The following MAN1A2 variants were observed in gnomAD, a reference collection of about 807,000 sequenced individuals.
The protein encoded by MAN1A2 is mannosidase alpha class 1A member 2.
MAN1A2 carries 26 observed loss-of-function variants against 75.7 expected under a neutral mutation model. The observed-to-expected ratio is 0.34, with a 90% CI of 0.25 to 0.48. The LOEUF is 0.48. MAN1A2 is among the 20% of genes least tolerant of loss of function. The probability of loss-of-function intolerance (pLI) is 0.99; values close to 1 mark genes in which losing one functional copy is unlikely to be tolerated. For synonymous variants in MAN1A2, 247 were observed against 264.6 expected, an observed-to-expected ratio of 0.93 and a Z score of 0.65; for missense variants, 562 against 775.5, an observed-to-expected ratio of 0.72 and a Z score of 3.27.
At chr1:117,368,956 C>T (rs534451327) in intron 1 of MAN1A2, among the ~76,000 whole-genome samples, 118 of 152,206 alleles carry the variant, frequency 7.8e-4, no homozygotes, top group African/African-American at 2.7e-3. Context: ...GTAGTTGAAG[C>T]TTAGTAGTGA....
chr1:117,391,437 G>A (rs1250426243), intron 1 of MAN1A2, among the ~76,000 whole-genome samples: 3 of 152,086 alleles, frequency 2.0e-5, no homozygotes, highest in African/African-American at 7.2e-5. Context: ...ATTTCTATCA[G>A]TTTTTGCTTC....
chr1:117,380,717 A>G (rs1653304497), intron 1 of MAN1A2, among the ~76,000 whole-genome samples: 1 of 152,178 alleles, frequency 6.6e-6, no homozygotes, highest in Non-Finnish European at 1.5e-5. Flanking sequence ...GTTCTATTCC[A>G]TTCATCTATA....
At chr1:117,515,589 C>T (rs545109748) in intron 12 of MAN1A2, 1 of 151,950 alleles carries the variant, frequency 6.6e-6, no homozygotes, top group African/African-American at 2.4e-5. Context: ...TAAAAAAACA[C>T]TAAAGAAACT....
chr1:117,387,963 C>T (rs565376849), intron 1 of MAN1A2, among the ~76,000 whole-genome samples: 2 of 147,502 alleles, frequency 1.4e-5, no homozygotes, highest in South Asian at 2.2e-4. Context: ...AGGCCCCCCA[C>T]CCCCCGCCGT....
At chr1:117,387,664 C>T (rs1414962446) in intron 1 of MAN1A2, among the ~76,000 whole-genome samples, 1 of 152,192 alleles carries the variant, frequency 6.6e-6, no homozygotes, top group East Asian at 1.9e-4. Flanking sequence ...TGGCAGCTGT[C>T]TTACTTAGTT....
intron 8 of MAN1A2, among the ~76,000 whole-genome samples, chr1:117,487,552 T>A (rs1650750767): frequency 3.3e-5 from 5 of 152,206 alleles, no homozygotes; most frequent in Middle Eastern, 3.4e-3. Context: ...ACGCAGTTGA[T>A]GTCTAAGAAA....
chr1:117,464,837 T>A (rs1387113247), intron 7 of MAN1A2, among the ~76,000 whole-genome samples: 1 of 152,166 alleles, frequency 6.6e-6, no homozygotes, highest in Non-Finnish European at 1.5e-5. Flanking sequence ...TCTGGACTCT[T>A]ACCTGGTGTT....
Position 117,395,491 on chromosome 1 carries a change from C to G in MAN1A2, c.303-6695C>G, listed in dbSNP as rs187557028. On this transcript the variant is annotated intron_variant, in intron 1 of 12. Coordinates refer to ENST00000356554, the MANE Select transcript of MAN1A2 (RefSeq NM_006699.5). ...ATATATGTAATTGATGAAGCCATTG[C>G]CTTGTACATCTAAGCCACAATTACT... Among the ~76,000 whole-genome samples the G allele has an allele frequency of 1.7e-4, 26 of 152,182 alleles. No homozygotes were observed. In the East Asian group the frequency reaches 4.1e-3, roughly 24 times the overall value.
chr1:117,495,255 G>T (rs899893454), intron 9 of MAN1A2, among the ~76,000 whole-genome samples: 4 of 151,634 alleles, frequency 2.6e-5, no homozygotes, highest in Non-Finnish European at 4.4e-5. Flanking sequence ...ATTAAATCAA[G>T]AATAGGTACC....
chr1:117,393,692 G>A (rs1653809500), intron 1 of MAN1A2, among the ~76,000 whole-genome samples: 1 of 152,020 alleles, frequency 6.6e-6, no homozygotes, highest in South Asian at 2.1e-4. Flanking sequence ...GCAATGGGGA[G>A]TTATTCTTGG....
chr1:117,458,902 C>T lies in MAN1A2; in HGVS notation c.951-1587C>T, dbSNP rs1312349788. 2.0e-5 allele frequency among the ~76,000 whole-genome samples: 3 copies of T among 152,076 alleles called. No homozygotes were observed. In the South Asian group the frequency reaches 6.2e-4, roughly 32 times the overall value. On this transcript the variant is annotated intron_variant, in intron 6 of 12. Transcript: ENST00000356554. Reference sequence around the variant, plus strand: ...GGTCTAGAGTTCTTGTAGGAATAATCCAGGAACTCTGCTGCTTGAATCATC... The same window carrying T: ...GGTCTAGAGTTCTTGTAGGAATAATTCAGGAACTCTGCTGCTTGAATCATC...
At chr1:117,470,204 G>A (rs1422054232) in intron 8 of MAN1A2, among the ~76,000 whole-genome samples, 1 of 152,050 alleles carries the variant, frequency 6.6e-6, no homozygotes, top group African/African-American at 2.4e-5. Flanking sequence ...ATCAACAAAA[G>A]CCAGTCACAA....
At chr1:117,398,535 G>C (rs534778782) in intron 1 of MAN1A2, among the ~76,000 whole-genome samples, 1 of 152,076 alleles carries the variant, frequency 6.6e-6, no homozygotes, top group South Asian at 2.1e-4. Context: ...TTAGCCAGGC[G>C]TGGTGGCGTG....
intron 3 of MAN1A2, among the ~76,000 whole-genome samples, chr1:117,414,206 G>A (rs1647913414): frequency 6.6e-6 from 1 of 150,844 alleles, no homozygotes; most frequent in South Asian, 2.1e-4. Flanking sequence ...TTTTTCCACT[G>A]TGGTTATCCA....
chr1:117,409,678 C>T, intron 3 of MAN1A2, among the ~76,000 whole-genome samples: 1 of 151,954 alleles, frequency 6.6e-6, no homozygotes, highest in African/African-American at 2.4e-5. Flanking sequence ...GTCCTCAACT[C>T]TTATTTTGGA....
chr1:117,494,515 T>C (rs910676696), intron 9 of MAN1A2: 1 of 152,104 alleles, frequency 6.6e-6, no homozygotes, highest in East Asian at 1.9e-4. Context: ...TTATCCATTT[T>C]ATATCCCTAC....
At chr1:117,368,915 G>T (rs371673701) in intron 1 of MAN1A2, among the ~76,000 whole-genome samples, 2 of 152,276 alleles carry the variant, frequency 1.3e-5, no homozygotes, top group East Asian at 3.9e-4. Context: ...TTTTGGGTGT[G>T]CTCTCCCAGA....
intron 1 of MAN1A2, among the ~76,000 whole-genome samples, chr1:117,382,124 T>C (rs902821380): frequency 1.2e-4 from 18 of 152,304 alleles, no homozygotes; most frequent in African/African-American, 3.6e-4. Flanking sequence ...TTCTCCCATT[T>C]TGTAGGTTGC....
chr1:117,387,657 CAGCTGTCTTACTTAGTTTGCTTG>C (rs1344867028), intron 1 of MAN1A2, among the ~76,000 whole-genome samples: 1 of 152,180 alleles, frequency 6.6e-6, no homozygotes, highest in African/African-American at 2.4e-5. Context: ...TCAGGGTTGG[CAGCTGTCTTACTTAGTTTGCTTG>C]AGCTGCCTTA....
Sources: gnomAD v4.1 joint callset for allele counts (sites outside exome capture counted in the v4.1 genomes callset) on GRCh38, gnomAD v4.1.1 for gene constraint, MANE v1.5 for transcripts, NCBI Gene and HGNC (gene_info 2026-07-23, HGNC 2026-07-21) for gene names.